The following CDIN1 variants were observed in gnomAD, a reference collection of about 807,000 sequenced individuals.
CDIN1 encodes CDAN1 interacting nuclease 1.
In CDIN1, 33 loss-of-function variants were observed where a neutral mutation model predicts 45.3. The ratio of observed to expected loss-of-function variants is 0.73; its 90% CI spans 0.55 to 0.97. The LOEUF (loss-of-function observed/expected upper bound fraction) is 0.97, where lower values mean the gene tolerates loss of function less well. CDIN1 is among the 50% of genes least tolerant of loss of function. The pLI is 0.00. For missense variants in CDIN1, 303 were observed against 339.4 expected, an observed-to-expected ratio of 0.89 and a Z score of 0.84; for synonymous variants, 118 against 124.4, an observed-to-expected ratio of 0.95 and a Z score of 0.34.
chr15:36,681,250 C>T (rs1555393705), intron 5 of CDIN1, among the ~76,000 whole-genome samples: 1 of 151,930 alleles, frequency 6.6e-6, no homozygotes, highest in Non-Finnish European at 1.5e-5. Flanking sequence ...AATGAAATAA[C>T]AGTCATTGAG....
intron 1 of CDIN1, chr15:36,618,921 G>T: frequency 7.0e-7 from 1 of 1,421,658 alleles, no homozygotes; most frequent in South Asian, 1.2e-5. Context: ...GCTACACCGT[G>T]ACTCTACAGG....
intron 7 of CDIN1, among the ~76,000 whole-genome samples, chr15:36,695,831 C>T (rs1309924051): frequency 2.0e-5 from 3 of 149,820 alleles, no homozygotes; most frequent in South Asian, 4.2e-4. Context: ...TGGGCAAGAC[C>T]AAGAGTCCAT....
chr15:36,800,909 G>GTGTATATATATATATATATATA (rs1156514805), intron 10 of CDIN1, among the ~76,000 whole-genome samples: 4 of 22,390 alleles, frequency 1.8e-4, no homozygotes, highest in Admixed American at 9.5e-4. Flanking sequence ...GTGTGTGTGT[G>GTGTATATATATATATATATATA]TATATATATA....
chr15:36,774,439 G>A lies in CDIN1; in HGVS notation c.717-33885G>A, dbSNP rs989964342. 3.6e-4 allele frequency among the ~76,000 whole-genome samples: 54 copies of A among 151,466 alleles called. 1 individual carries two copies. The highest frequency in any genetic ancestry group is 5.4e-4 in the Non-Finnish European group (37 of 67,954). ...AGTAATTCAAAACGTTCATTTTCACGGACCTAGGACAGTCTAAAATAAATT... is the reference window on the plus strand; with the variant it reads ...AGTAATTCAAAACGTTCATTTTCACAGACCTAGGACAGTCTAAAATAAATT... On this transcript the variant is annotated intron_variant, in intron 10 of 10. Transcript: ENST00000566621.
intron 10 of CDIN1, among the ~76,000 whole-genome samples, chr15:36,762,273 G>C (rs1181103261): frequency 1.3e-5 from 2 of 152,064 alleles, no homozygotes; most frequent in Non-Finnish European, 2.9e-5. Flanking sequence ...TTACACGCAG[G>C]CACTTTCTTG....
chr15:36,702,532 C>G (rs2042682411), intron 8 of CDIN1, among the ~76,000 whole-genome samples: 1 of 152,258 alleles, frequency 6.6e-6, no homozygotes, highest in African/African-American at 2.4e-5. Flanking sequence ...CACCACTGCT[C>G]TTGGTAGTTA....
At chr15:36,740,348 T>C (rs2140937479) in intron 10 of CDIN1, among the ~76,000 whole-genome samples, 1 of 152,182 alleles carries the variant, frequency 6.6e-6, no homozygotes, top group Non-Finnish European at 1.5e-5. Flanking sequence ...GAGGAGATAG[T>C]AAATATACTT....
At chr15:36,649,819 C>A (rs905762171) in intron 3 of CDIN1, among the ~76,000 whole-genome samples, 1 of 152,212 alleles carries the variant, frequency 6.6e-6, no homozygotes, top group Non-Finnish European at 1.5e-5. Context: ...TAGCACTTCT[C>A]TTGCTGCATT....
intron 1 of CDIN1, among the ~76,000 whole-genome samples, chr15:36,623,833 T>G (rs1178236366): frequency 3.3e-5 from 5 of 152,224 alleles, no homozygotes; most frequent in African/African-American, 1.2e-4. Flanking sequence ...TTCTTGAAAG[T>G]AATTTGTTTT....
rs1595503440 is a variant in CDIN1, at chr15:36,709,934, A to C, written c.689A>C (p.His230Pro). 6.2e-7 allele frequency: 1 copy of C among 1,613,124 alleles called. No homozygotes were observed. The highest frequency in any genetic ancestry group is 8.5e-7 in the Non-Finnish European group (1 of 1,179,276). The change falls in exon 10 of 11, where the codon CAT becomes CCT. Residue 230 changes from histidine to proline, a missense_variant. By Grantham distance (77) the His-to-Pro change is moderately conservative (BLOSUM62 -2). Transcript: ENST00000566621. ...GAATGTAGCCACCACGCCTACCTGCATGACCAGTTCTGGAGCTACTGGAAT... is the reference window on the plus strand; with the variant it reads ...GAATGTAGCCACCACGCCTACCTGCCTGACCAGTTCTGGAGCTACTGGAAT... ...GDECSHHAYL[H>P]DQFWSYWNRF...
intron 1 of CDIN1, among the ~76,000 whole-genome samples, chr15:36,624,396 C>A (rs2039327961): frequency 6.6e-6 from 1 of 152,146 alleles, no homozygotes; most frequent in Non-Finnish European, 1.5e-5. Context: ...GAGCTTAATG[C>A]ATTGTAAGGC....
At chr15:36,621,216 C>A (rs995799935) in intron 1 of CDIN1, among the ~76,000 whole-genome samples, 1 of 152,072 alleles carries the variant, frequency 6.6e-6, no homozygotes, top group Non-Finnish European at 1.5e-5. Flanking sequence ...CTGGAAAGCA[C>A]CATTGTGACA....
chr15:36,797,746 G>A lies in CDIN1; in HGVS notation c.717-10578G>A, dbSNP rs577921937. On this transcript the variant is annotated intron_variant, in intron 10 of 10. Coordinates refer to ENST00000566621, the MANE Select transcript of CDIN1 (RefSeq NM_001321759.2). Reference sequence around the variant, plus strand: ...TGTAATCCCAGCACTTTGGGGGGCCGAGGCGGGCAGATCACCTGAGGTGAG... The same window carrying A: ...TGTAATCCCAGCACTTTGGGGGGCCAAGGCGGGCAGATCACCTGAGGTGAG... Among the ~76,000 whole-genome samples, 34 of 152,250 alleles carry A rather than the reference G, an allele frequency of 2.2e-4. No individual in the cohort carries two copies. In the South Asian group the frequency reaches 2.5e-3, roughly 11 times the overall value.
chr15:36,593,578 T>A (rs1327074563), intron 1 of CDIN1, among the ~76,000 whole-genome samples: 1 of 152,206 alleles, frequency 6.6e-6, no homozygotes, highest in East Asian at 1.9e-4. Flanking sequence ...ATTATTGTTA[T>A]TTTTTGAAAT....
intron 5 of CDIN1, among the ~76,000 whole-genome samples, chr15:36,670,855 T>C (rs948063459): frequency 6.6e-6 from 1 of 152,152 alleles, no homozygotes; most frequent in African/African-American, 2.4e-5. Flanking sequence ...TGATATTTTG[T>C]ATATTTAGTT....
chr15:36,651,128 A>G (rs1020479236), intron 3 of CDIN1, among the ~76,000 whole-genome samples: 3 of 152,128 alleles, frequency 2.0e-5, no homozygotes, highest in African/African-American at 7.2e-5. Flanking sequence ...TGCTAGCAAG[A>G]ATGCAGAGAC....
intron 5 of CDIN1, among the ~76,000 whole-genome samples, chr15:36,678,244 C>T (rs761571587): frequency 6.6e-6 from 1 of 152,162 alleles, no homozygotes; most frequent in Non-Finnish European, 1.5e-5. Flanking sequence ...ACTGCAAGGG[C>T]AAGTAGGCTC....
chr15:36,602,421 G>A (rs974359308), intron 1 of CDIN1, among the ~76,000 whole-genome samples: 2 of 152,218 alleles, frequency 1.3e-5, no homozygotes, highest in Admixed American at 1.3e-4. Context: ...GTGACACAGT[G>A]TCTTTGGTAC....
At chr15:36,605,727 A>G (rs1476015764) in intron 1 of CDIN1, among the ~76,000 whole-genome samples, 1 of 152,194 alleles carries the variant, frequency 6.6e-6, no homozygotes, top group East Asian at 1.9e-4. Context: ...GGGTGTGCCT[A>G]ATCTGTCCAG....
Sources: allele counts gnomAD v4.1 joint callset (sites outside exome capture counted in the v4.1 genomes callset), GRCh38; gene constraint gnomAD v4.1.1; transcripts MANE v1.5; gene names NCBI Gene and HGNC (gene_info 2026-07-23, HGNC 2026-07-21).